Variants in GNPAT observed in about 807,000 individuals in gnomAD.
The protein encoded by GNPAT is glyceronephosphate O-acyltransferase.
A neutral mutation model predicts 78.4 loss-of-function variants in GNPAT; 30 were observed. The ratio of observed to expected loss-of-function variants is 0.38; its 90% CI spans 0.29 to 0.52. The LOEUF is 0.52. Among genes scored for constraint, GNPAT ranks in the 20% least tolerant of loss-of-function variants. The probability of loss-of-function intolerance (pLI) is 0.84; values close to 1 mark genes in which losing one functional copy is unlikely to be tolerated. For synonymous variants in GNPAT, 271 were observed against 281.1 expected (o/e 0.96, Z 0.36); for missense variants, 714 against 812.2 (o/e 0.88, Z 1.47).
chr1:231,247,684 C>T (rs1684786440), intron 1 of GNPAT, among the ~76,000 whole-genome samples: 1 of 152,186 alleles, frequency 6.6e-6, no homozygotes, highest in Non-Finnish European at 1.5e-5. Flanking sequence ...CCACTATATC[C>T]TCAGCACATA....
At chr1:231,254,572 G>A (rs1433199348) in intron 2 of GNPAT, among the ~76,000 whole-genome samples, 2 of 151,556 alleles carry the variant, frequency 1.3e-5, no homozygotes, top group Admixed American at 6.6e-5. Flanking sequence ...CTCCTGAGTA[G>A]CTGGGACTAC....
At chr1:231,253,014 G>C (rs1046135316) in intron 2 of GNPAT, among the ~76,000 whole-genome samples, 1 of 152,102 alleles carries the variant, frequency 6.6e-6, no homozygotes, top group Non-Finnish European at 1.5e-5. Context: ...TGTTGCCCAG[G>C]CTGGAGTGCA....
At chr1:231,264,101 T>C (rs552795794) in intron 4 of GNPAT, among the ~76,000 whole-genome samples, 96 of 152,338 alleles carry the variant, frequency 6.3e-4, no homozygotes, top group African/African-American at 2.2e-3. Context: ...TGTAGTCCAA[T>C]TGATCTATTT....
intron 5 of GNPAT, 63 bp from the exon 6 acceptor site, chr1:231,265,646 AAAG>A: frequency 9.7e-7 from 1 of 1,027,230 alleles, no homozygotes; most frequent in Non-Finnish European, 1.5e-6. Context: ...AAAGGAATCA[AAAG>A]AAGCATTTAT....
At position 231,241,300 on chromosome 1, in the gene GNPAT, C is replaced by G. The variant is rs1684593009; in HGVS notation, c.-79C>G. 1 of 1,423,230 alleles carries G rather than the reference C, an allele frequency of 7.0e-7. No homozygotes were observed. The allele number at this position is 1,423,230 out of a possible 1,614,324, so 88.2% of individuals were successfully genotyped here. A position where few individuals can be genotyped will look rare whatever the true frequency, so the allele number is the denominator to read the frequency against. ...CTAGGCGAAGTAGGGCCGTCCTGAGCGAAAGAACCGCCCCCAGCAGGAGCA... is the reference window on the plus strand; with the variant it reads ...CTAGGCGAAGTAGGGCCGTCCTGAGGGAAAGAACCGCCCCCAGCAGGAGCA... On this transcript the variant is annotated 5_prime_UTR_variant, in exon 1 of 16. Coordinates refer to ENST00000366647, the MANE Select transcript of GNPAT (RefSeq NM_014236.4).
chr1:231,270,692 C>T (rs751804170), intron 9 of GNPAT, 66 bp from the exon 10 acceptor site: 25 of 1,514,154 alleles, frequency 1.7e-5, no homozygotes, highest in East Asian at 6.8e-5. Flanking sequence ...ATAACGTTAA[C>T]GTACGCTAGG....
At chr1:231,248,443 T>C (rs1283427974) in intron 1 of GNPAT, among the ~76,000 whole-genome samples, 1 of 151,898 alleles carries the variant, frequency 6.6e-6, no homozygotes, top group Non-Finnish European at 1.5e-5. Flanking sequence ...AAAATCCTCA[T>C]ATAGGCCAGG....
rs1457875297 is a variant in GNPAT, at chr1:231,260,577, G to A, written c.332G>A (p.Ser111Asn). The stretch of plus-strand genomic sequence containing the variant: ...GTGAGTGAGATCTTAGATGAAATGA[G>A]TCACAAACTGCGTCTTGGAGCCATT... ...EEVSEILDEMSHKLRLGAIRF... is the reference protein window; with the variant it reads ...EEVSEILDEMNHKLRLGAIRF... The change falls in exon 3 of 16, where the codon AGT (serine) becomes AAT (asparagine). Residue 111 changes from serine (S) to asparagine (N), a missense_variant. Physicochemically the swap from Ser to Asn is conservative, Grantham distance 46. Coordinates refer to ENST00000366647, the MANE Select transcript of GNPAT (RefSeq NM_014236.4). 3 of 1,610,974 alleles carry A rather than the reference G, an allele frequency of 1.9e-6. No individual in the cohort carries two copies. Among genetic ancestry groups the A allele is most frequent in the East Asian group, 4.5e-5 (2 of 44,832 alleles).
intron 9 of GNPAT, among the ~76,000 whole-genome samples, chr1:231,268,949 T>G (rs1685471975): frequency 6.6e-6 from 1 of 152,090 alleles, no homozygotes; most frequent in African/African-American, 2.4e-5. Flanking sequence ...GAAATGCGTT[T>G]TTTTTTAAAG....
chr1:231,267,609 A>G (rs565136664), intron 8 of GNPAT, 71 bp from the exon 9 acceptor site: 32 of 900,710 alleles, frequency 3.6e-5, no homozygotes, highest in Admixed American at 5.1e-5. Context: ...TAAAACGTCT[A>G]GAGTCTTTTT....
At position 231,265,791 on chromosome 1, in the gene GNPAT, G is replaced by T; in HGVS notation, c.772+4G>T. ...AAGACATTGACTCCTAAATTTGGTAGGTCACTACAGATTAAAAGGAAAAAT... is the reference window on the plus strand; with the variant it reads ...AAGACATTGACTCCTAAATTTGGTATGTCACTACAGATTAAAAGGAAAAAT... On this transcript the variant is annotated splice_donor_region_variant and intron_variant, in intron 6 of 15. Transcript: ENST00000366647. The T allele has an allele frequency of 6.4e-7, 1 of 1,558,598 alleles. No individual in the cohort carries two copies. The highest frequency in any genetic ancestry group is 1.4e-5 in the African/African-American group (1 of 73,920).
intron 1 of GNPAT, among the ~76,000 whole-genome samples, chr1:231,249,387 T>C (rs778667457): frequency 6.6e-6 from 1 of 152,242 alleles, no homozygotes; most frequent in Non-Finnish European, 1.5e-5. Context: ...CTGCCACTTA[T>C]ATTCTTATGC....
chr1:231,272,527 C>A, intron 11 of GNPAT, 136 bp downstream of exon 11: 1 of 668,766 alleles, frequency 1.5e-6, no homozygotes, highest in Non-Finnish European at 2.8e-6. Context: ...TCAAGAGAAA[C>A]TGGGGCGCTC....
intron 3 of GNPAT, 39 bp downstream of exon 3, chr1:231,260,722 C>T (rs1250017682): frequency 1.5e-6 from 2 of 1,301,220 alleles, no homozygotes; most frequent in Admixed American, 1.7e-5. Context: ...AAATAAAAGT[C>T]TCATCTTAAA....
Position 231,262,778 on chromosome 1 carries a change from A to G in GNPAT, c.494A>G (p.Tyr165Cys), listed in dbSNP as rs1420081609. 9 of 1,607,016 alleles carry G rather than the reference A, an allele frequency of 5.6e-6. No homozygotes were observed. The highest frequency in any genetic ancestry group is 7.7e-6 in the Non-Finnish European group (9 of 1,173,518). Residue 165 changes from tyrosine to cysteine, a missense_variant, in exon 4 of 16, where the codon TAC (tyrosine) becomes TGC (cysteine). Coordinates refer to ENST00000366647, the MANE Select transcript of GNPAT (RefSeq NM_014236.4). ...PVVLLPSHRS[Y>C]IDFLMLSFLL... ...GTTCTGCTGCCTAGTCATCGAAGTT[A>G]CATTGACTTCCTCATGTTGTCTTTT...
rs1305062694 is a variant in GNPAT, at chr1:231,255,148, T to A, written c.261+4005T>A. On this transcript the variant is annotated intron_variant, in intron 2 of 15. Transcript: ENST00000366647. ...TCCAGTACTCATTATTTTCTCCTGT[T>A]AAAATAGAAGAAATCCCTTCTCCTG... Among the ~76,000 whole-genome samples the A allele has an allele frequency of 5.3e-5, 8 of 152,146 alleles. No individual in the cohort carries two copies. In the East Asian group the frequency reaches 1.5e-3, roughly 29 times the overall value.
intron 2 of GNPAT, chr1:231,258,087 A>C (rs1685115460): frequency 6.6e-6 from 1 of 152,594 alleles, no homozygotes; most frequent in South Asian, 2.1e-4. Context: ...CCCTCTTACC[A>C]GTCCCTTGAT....
intron 12 of GNPAT, chr1:231,274,773 A>G (rs1685664244): frequency 4.3e-6 from 1 of 233,538 alleles, no homozygotes; most frequent in Non-Finnish European, 8.4e-6. Flanking sequence ...CACAAAGTCT[A>G]GCACTTACTG....
Position 231,262,771 on chromosome 1 carries a change from C to G in GNPAT, c.487C>G (p.Arg163Gly). 1 of 1,605,902 alleles carries G rather than the reference C, an allele frequency of 6.2e-7. No homozygotes were observed. The highest frequency in any genetic ancestry group is 8.5e-7 in the Non-Finnish European group (1 of 1,172,584). Residue 163 changes from arginine to glycine, a missense_variant, in exon 4 of 16, where the codon CGA (arginine) becomes GGA (glycine). Arg to Gly is a moderately radical substitution (Grantham distance 125, BLOSUM62 -2). Coordinates refer to ENST00000366647, the MANE Select transcript of GNPAT (RefSeq NM_014236.4). ...TCCTGTTGTTCTGCTGCCTAGTCAT[C>G]GAAGTTACATTGACTTCCTCATGTT... ...EHPVVLLPSHRSYIDFLMLSF... is the reference protein window; with the variant it reads ...EHPVVLLPSHGSYIDFLMLSF...
Sources: gnomAD v4.1 joint callset for allele counts (sites outside exome capture counted in the v4.1 genomes callset) on GRCh38, gnomAD v4.1.1 for gene constraint, MANE v1.5 for transcripts, NCBI Gene and HGNC (gene_info 2026-07-23, HGNC 2026-07-21) for gene names.